MAGI2: variants seen among roughly 807,000 people sequenced by gnomAD.
MAGI2 encodes the protein membrane-associated guanylate kinase, WW and PDZ domain-containing protein 2.
MAGI2 carries 35 observed loss-of-function variants against 133.3 expected under a neutral mutation model. The observed-to-expected ratio is 0.26, with a 90% CI of 0.20 to 0.35. MAGI2 has a LOEUF of 0.35. MAGI2 is among the 10% of genes least tolerant of loss of function. The pLI, the probability that MAGI2 is intolerant of heterozygous loss-of-function variation, is 1.00. For missense variants in MAGI2, 1,636 were observed against 1,863.4 expected (o/e 0.88, Z 2.25); for synonymous variants, 729 against 710.6 (o/e 1.03, Z -0.41).
intron 9 of MAGI2, among the ~76,000 whole-genome samples, chr7:78,339,871 G>T (rs1790169440): frequency 6.6e-6 from 1 of 152,104 alleles, no homozygotes; most frequent in African/African-American, 2.4e-5. Flanking sequence ...AACTTTTAAG[G>T]AGATATAATA....
At position 78,486,927 on chromosome 7, in the gene MAGI2, C is replaced by A. The variant is rs1793079468; in HGVS notation, c.1045+2834G>T. The A allele has an allele frequency of 1.5e-5, 8 of 522,232 alleles. 1 individual carries two copies. The highest frequency in any genetic ancestry group is 1.1e-4 in the South Asian group (8 of 71,608). The allele number at this position is 522,232 out of a possible 1,614,324, so 32.3% of individuals were successfully genotyped here. A position where few individuals can be genotyped will look rare whatever the true frequency, so the allele number is the denominator to read the frequency against. ...GGCCAGGAACGTACCCAAATTTGAA[C>A]TAGCTCATTTCATGGCTCTGGGGCC... On this transcript the variant is annotated intron_variant, in intron 6 of 21. Coordinates refer to ENST00000354212, the MANE Select transcript of MAGI2 (RefSeq NM_012301.4).
intron 1 of MAGI2, among the ~76,000 whole-genome samples, chr7:79,378,922 G>GTGTATATA (rs1241769224): frequency 3.9e-4 from 25 of 63,448 alleles, no homozygotes; most frequent in African/African-American, 1.4e-3. Flanking sequence ...ATATATGTGT[G>GTGTATATA]TGTGTATATA....
chr7:78,327,784 C>T (rs186538353), intron 9 of MAGI2, among the ~76,000 whole-genome samples: 140 of 152,232 alleles, frequency 9.2e-4, no homozygotes, highest in African/African-American at 3.3e-3. Context: ...CAATAAGGGG[C>T]TAGGTGGATT....
intron 1 of MAGI2, among the ~76,000 whole-genome samples, chr7:79,417,412 T>A (rs1846608363): frequency 6.6e-6 from 1 of 152,156 alleles, no homozygotes; most frequent in Non-Finnish European, 1.5e-5. Flanking sequence ...GTACTTATCT[T>A]TGCATTCATA....
At chr7:78,130,738 T>G (rs1370677813) in intron 18 of MAGI2, among the ~76,000 whole-genome samples, 1 of 152,214 alleles carries the variant, frequency 6.6e-6, no homozygotes, top group African/African-American at 2.4e-5. Flanking sequence ...AATGTAGTAG[T>G]AGAAGAAGCA....
intron 7 of MAGI2, among the ~76,000 whole-genome samples, chr7:78,346,423 T>C (rs1790911672): frequency 6.6e-6 from 1 of 152,182 alleles, no homozygotes; most frequent in African/African-American, 2.4e-5. Context: ...TCACCTGAGC[T>C]TTGCAAAGTC....
At chr7:78,267,162 G>C (rs34792792) in intron 9 of MAGI2, among the ~76,000 whole-genome samples, 29,637 of 152,030 alleles carry the variant, frequency 0.19, 3,305 homozygotes, top group South Asian at 0.31. Context: ...CTATTATGTT[G>C]ATCTACTCTT....
Position 78,223,664 on chromosome 7 carries a change from C to T in MAGI2, c.2048-22471G>A, listed in dbSNP as rs1287860748. Among the ~76,000 whole-genome samples, 6 of 152,204 alleles carry T rather than the reference C, an allele frequency of 3.9e-5. No homozygotes were observed. The East Asian group carries it at 1.2e-3, about 29-fold the overall frequency. Reference sequence around the variant, plus strand: ...GGACTTAACAAGATAATTTACCTCACCAAAACCATTTACTGTAATGCCACA... The same window carrying T: ...GGACTTAACAAGATAATTTACCTCATCAAAACCATTTACTGTAATGCCACA... On this transcript the variant is annotated intron_variant, in intron 10 of 21. Coordinates refer to ENST00000354212, the MANE Select transcript of MAGI2 (RefSeq NM_012301.4).
chr7:79,250,017 A>T (rs1421946238), intron 1 of MAGI2, among the ~76,000 whole-genome samples: 1 of 152,170 alleles, frequency 6.6e-6, no homozygotes, highest in Non-Finnish European at 1.5e-5. Flanking sequence ...AATCAATGTG[A>T]TACACTGAAG....
At chr7:78,279,632 T>G (rs777188869) in intron 9 of MAGI2, among the ~76,000 whole-genome samples, 1 of 152,032 alleles carries the variant, frequency 6.6e-6, no homozygotes, top group Admixed American at 6.6e-5. Flanking sequence ...GAGCCAGCAT[T>G]AAGGAGACTA....
chr7:79,402,735 G>T (rs994439944), intron 1 of MAGI2, among the ~76,000 whole-genome samples: 18 of 152,156 alleles, frequency 1.2e-4, no homozygotes, highest in South Asian at 4.1e-4. Context: ...GCTGAGGCAG[G>T]CGCATTGCTT....
intron 6 of MAGI2, among the ~76,000 whole-genome samples, chr7:78,479,726 T>C (rs11977779): frequency 0.37 from 56,353 of 151,722 alleles, 10,913 homozygotes; most frequent in East Asian, 0.61. Flanking sequence ...AACATAAATA[T>C]AGGCCATGAG....
intron 6 of MAGI2, among the ~76,000 whole-genome samples, chr7:78,458,117 G>A (rs113876251): frequency 0.24 from 36,623 of 151,698 alleles, 4,518 homozygotes; most frequent in Middle Eastern, 0.36. Flanking sequence ...CCAACATGGT[G>A]AAACACCGTC....
At chr7:78,992,813 T>C (rs1218606614) in intron 2 of MAGI2, among the ~76,000 whole-genome samples, 1 of 152,082 alleles carries the variant, frequency 6.6e-6, no homozygotes, top group Admixed American at 6.6e-5. Context: ...CTACCCAATG[T>C]TGACCTCTGG....
intron 16 of MAGI2, among the ~76,000 whole-genome samples, chr7:78,145,504 T>C (rs1823211109): frequency 6.6e-6 from 1 of 152,140 alleles, no homozygotes; most frequent in South Asian, 2.1e-4. Context: ...GATATTGGCA[T>C]CCCGGATTGG....
chr7:78,881,330 A>T (rs899866593), intron 2 of MAGI2, among the ~76,000 whole-genome samples: 9 of 151,160 alleles, frequency 6.0e-5, no homozygotes, highest in Admixed American at 5.9e-4. Flanking sequence ...CCATAAAGCA[A>T]GTCTCAATAA....
At chr7:78,218,913 C>T (rs1326530166) in intron 10 of MAGI2, among the ~76,000 whole-genome samples, 1 of 152,150 alleles carries the variant, frequency 6.6e-6, no homozygotes, top group East Asian at 1.9e-4. Flanking sequence ...CTGCTCATAC[C>T]GAACCTGGTG....
chr7:78,480,242 T>A (rs1792209664), intron 6 of MAGI2, among the ~76,000 whole-genome samples: 1 of 151,788 alleles, frequency 6.6e-6, no homozygotes, highest in Non-Finnish European at 1.5e-5. Context: ...TACTGGAGAA[T>A]TTTACCAAAT....
intron 10 of MAGI2, among the ~76,000 whole-genome samples, chr7:78,220,129 T>C (rs981569479): frequency 2.6e-5 from 4 of 152,212 alleles, no homozygotes; most frequent in African/African-American, 9.6e-5. Flanking sequence ...TCTGTCTGTC[T>C]GCCCCACTCC....
Sources: allele counts gnomAD v4.1 joint callset (sites outside exome capture counted in the v4.1 genomes callset), GRCh38; gene constraint gnomAD v4.1.1; transcripts MANE v1.5; gene names NCBI Gene and HGNC (gene_info 2026-07-23, HGNC 2026-07-21).